The following SNX22 variants were observed in gnomAD, a reference collection of about 807,000 sequenced individuals.
SNX22 encodes the protein sorting nexin-22.
A neutral mutation model predicts 24.7 loss-of-function variants in SNX22; 23 were observed. The observed-to-expected ratio is 0.93, with a 90% CI of 0.67 to 1.32. The LOEUF (loss-of-function observed/expected upper bound fraction) is 1.32, where lower values mean the gene tolerates loss of function less well. Among genes scored for constraint, SNX22 ranks in the 40% most tolerant of loss-of-function variants. SNX22 has a pLI of 0.00. For synonymous variants in SNX22, 99 were observed against 104.0 expected, an observed-to-expected ratio of 0.95 and a Z score of 0.29; for missense variants, 261 against 249.9, an observed-to-expected ratio of 1.04 and a Z score of -0.30.
At chr15:64,152,360 C>G in intron 2 of SNX22, 34 bp downstream of exon 2, 1 of 1,492,428 alleles carries the variant, frequency 6.7e-7, no homozygotes, top group Non-Finnish European at 8.9e-7. Flanking sequence ...CGGCCCCGGC[C>G]CAGCCTCTGT....
Position 64,156,181 on chromosome 15 carries a change from G to A in SNX22, c.*1673G>A, listed in dbSNP as rs1360400083. The stretch of plus-strand genomic sequence containing the variant: ...AAGGTGGAAGCAGGAGGGCATGGTG[G>A]ATCAGGAGGTCCACCGCTCAGGAGA... On this transcript the variant is annotated 3_prime_UTR_variant, in exon 7 of 7. Transcript: ENST00000325881. The surrounding 1 kb of genome is among the most constrained non-coding windows in gnomAD (Gnocchi z 6.4). 5 of 1,613,060 alleles carry A rather than the reference G, an allele frequency of 3.1e-6. No individual in the cohort carries two copies. Among genetic ancestry groups the A allele is most frequent in the Non-Finnish European group, 4.2e-6 (5 of 1,179,658 alleles).
In SNX22 at chr15:64,151,844, C is replaced by A; in HGVS notation, c.69C>A (p.Ser23Arg). The A allele has an allele frequency of 6.5e-7, 1 of 1,536,462 alleles. No homozygotes were observed. Among genetic ancestry groups the A allele is most frequent in the Admixed American group, 2.0e-5 (1 of 50,214 alleles). Reference protein sequence around the residue: ...AEGPRQSPEKSHMVFRVEVLC... With the variant: ...AEGPRQSPEKRHMVFRVEVLC... ...GGCCCAGGCAGAGCCCGGAGAAAAG[C>A]CACATGGTGAGCGCGGCCCCTGGAT... Residue 23 changes from serine (S) to arginine (R), a missense_variant, in exon 1 of 7, where the codon AGC becomes AGA. Physicochemically the swap from Ser to Arg is moderately radical, Grantham distance 110. Coordinates refer to ENST00000325881, the MANE Select transcript of SNX22 (RefSeq NM_024798.3).
Position 64,156,534 on chromosome 15 carries a change from G to A in SNX22, c.*2026G>A. ...TGTGCAGCCTTCCTGGCTGGGCTCT[G>A]AGGGGGCTGGAAGAATTTAGAACCT... On this transcript the variant is annotated 3_prime_UTR_variant, in exon 7 of 7. Coordinates refer to ENST00000325881, the MANE Select transcript of SNX22 (RefSeq NM_024798.3). The surrounding 1 kb of genome is among the most constrained non-coding windows in gnomAD (Gnocchi z 6.4). 1.3e-6 allele frequency: 1 copy of A among 756,532 alleles called. No homozygotes were observed. The highest frequency in any genetic ancestry group is 2.2e-6 in the Non-Finnish European group (1 of 444,996). The allele number at this position is 756,532 out of a possible 1,614,324, so 46.9% of individuals were successfully genotyped here.
chr15:64,154,099 C>T, intron 6 of SNX22, 97 bp downstream of exon 6: 1 of 1,611,906 alleles, frequency 6.2e-7, no homozygotes, highest in Non-Finnish European at 8.5e-7. Context: ...TTCCTGCTGC[C>T]CACCTCTGGA....
chr15:64,153,464 CT>C, intron 4 of SNX22, 125 bp downstream of exon 4: 1 of 1,511,488 alleles, frequency 6.6e-7, no homozygotes, highest in Non-Finnish European at 9.0e-7. Context: ...CACCAGCTCT[CT>C]TGACCTGGGT....
chr15:64,155,995 GTCAC>G lies in SNX22; in HGVS notation c.*1491_*1494del. ...GCGGACTACAGGGCCTGCACAGACG[GTCAC>G]TCAAAGAAAGATGTCCCTGTGCCCT... On this transcript the variant is annotated 3_prime_UTR_variant, in exon 7 of 7. Transcript: ENST00000325881. 6.2e-7 allele frequency: 1 copy of G among 1,614,060 alleles called. No individual in the cohort carries two copies. Among genetic ancestry groups the G allele is most frequent in the Non-Finnish European group, 8.5e-7 (1 of 1,179,980 alleles).
Position 64,156,638 on chromosome 15 carries a change from G to A in SNX22, c.*2130G>A. On this transcript the variant is annotated 3_prime_UTR_variant, in exon 7 of 7. Transcript: ENST00000325881. The surrounding 1 kb of genome is among the most constrained non-coding windows in gnomAD (Gnocchi z 6.4). ...GTGGGTTGGGTCCTTTTGGGAAAGGGATGGACACATGGAGCTCCTGCCCTG... is the reference window on the plus strand; with the variant it reads ...GTGGGTTGGGTCCTTTTGGGAAAGGAATGGACACATGGAGCTCCTGCCCTG... 6.6e-7 allele frequency: 1 copy of A among 1,520,058 alleles called. No homozygotes were observed. The highest frequency in any genetic ancestry group is 9.1e-7 in the Non-Finnish European group (1 of 1,094,872). The allele number at this position is 1,520,058 out of a possible 1,614,324, so 94.2% of individuals were successfully genotyped here. A position where few individuals can be genotyped will look rare whatever the true frequency, so the allele number is the denominator to read the frequency against.
intron 1 of SNX22, 186 bp downstream of exon 1, chr15:64,152,036 C>T (rs1238871915): frequency 2.6e-6 from 2 of 764,144 alleles, no homozygotes; most frequent in African/African-American, 1.9e-5. Context: ...GGTTCGAGCT[C>T]TTGAGGGACC....
intron 1 of SNX22, 193 bp downstream of exon 1, chr15:64,152,043 G>T: frequency 1.3e-6 from 1 of 751,626 alleles, no homozygotes; most frequent in South Asian, 2.1e-5. Flanking sequence ...GCTCTTGAGG[G>T]ACCCCAGGGC....
rs2081523920 is a variant in SNX22 at position 64,155,686 on chromosome 15, C to T, written c.*1178C>T. On this transcript the variant is annotated 3_prime_UTR_variant, in exon 7 of 7. Transcript: ENST00000325881. ...CCTGCCTGACTTTTCCTGGGTAGCTCCTGGGTCAAAATTTCAGGCAGGATC... is the reference window on the plus strand; with the variant it reads ...CCTGCCTGACTTTTCCTGGGTAGCTTCTGGGTCAAAATTTCAGGCAGGATC... The T allele has an allele frequency of 6.0e-6, 2 of 333,292 alleles. No individual in the cohort carries two copies. The highest frequency in any genetic ancestry group is 2.8e-5 in the South Asian group (1 of 35,566). The allele number at this position is 333,292 out of a possible 1,614,324, so 20.6% of individuals were successfully genotyped here.
intron 4 of SNX22, 86 bp downstream of exon 4, chr15:64,153,425 C>T (rs899041543): frequency 1.3e-6 from 2 of 1,586,456 alleles, no homozygotes; most frequent in Non-Finnish European, 1.7e-6. Flanking sequence ...TTTCTTTTCA[C>T]ATCTGCCAGG....
In SNX22 at chr15:64,153,662, G is replaced by T. The variant is rs546547294; in HGVS notation, c.370G>T (p.Glu124Ter). The T allele has an allele frequency of 1.2e-6, 2 of 1,614,064 alleles. No individual in the cohort carries two copies. The highest frequency in any genetic ancestry group is 4.5e-5 in the East Asian group (2 of 44,862). Residue 124 changes from glutamate to a stop codon, truncating the protein, a stop_gained, in exon 5 of 7, where the codon GAG becomes TAG. Transcript: ENST00000325881. LOFTEE classifies it high-confidence loss of function. ...TTCTCTTCTCTTCAGCACCCTGAGGGAGTTCCTGCCTGGCGACAGCAGGCA... is the reference window on the plus strand; with the variant it reads ...TTCTCTTCTCTTCAGCACCCTGAGGTAGTTCCTGCCTGGCGACAGCAGGCA... ...PKASNWGTLR[E>*]FLPGDSSSQQ... is the part of the protein sequence containing the mutation.
Position 64,156,780 on chromosome 15 carries a change from TTGACTGTCGTGA to T in SNX22, c.*2276_*2287del, listed in dbSNP as rs753432576. The T allele has an allele frequency of 1.9e-6, 3 of 1,614,218 alleles. No homozygotes were observed. Among genetic ancestry groups the T allele is most frequent in the Non-Finnish European group, 2.5e-6 (3 of 1,180,040 alleles). On this transcript the variant is annotated 3_prime_UTR_variant, in exon 7 of 7. Transcript: ENST00000325881. This position sits in a 1 kb window ranked among gnomAD's most constrained non-coding sequence, Gnocchi z 6.4. ...ATGCTTGCCATCTAGCCAGGCTGTC[TTGACTGTCGTGA>T]TGAAGAACTGGGAGCCGTTGGTGTC...
chr15:64,152,183 T>A, intron 1 of SNX22, 60 bp from the exon 2 acceptor site: 1 of 1,338,444 alleles, frequency 7.5e-7, no homozygotes, highest in Non-Finnish European at 9.6e-7. Flanking sequence ...CAGGCGCAGG[T>A]GCTGCGGCGT....
At chr15:64,153,433 A>G in intron 4 of SNX22, 94 bp downstream of exon 4, 3 of 1,579,290 alleles carry the variant, frequency 1.9e-6, no homozygotes, top group Non-Finnish European at 2.6e-6. Context: ...CACATCTGCC[A>G]GGATCCAGCA....
rs756976016 is a variant in SNX22 at position 64,153,343 on chromosome 15, AGG to A, written c.359+9_359+10del. Reference sequence around the variant, plus strand: ...ACCCCAAGGCTAGCAACTGGGGGTAAGGGGGGCCGATGGCGGGGGCCAGGGGC... The same window carrying A: ...ACCCCAAGGCTAGCAACTGGGGGTAAGGGGCCGATGGCGGGGGCCAGGGGC... On this transcript the variant is annotated splice_donor_5th_base_variant and intron_variant, in intron 4 of 6. Coordinates refer to ENST00000325881, the MANE Select transcript of SNX22 (RefSeq NM_024798.3). The A allele has an allele frequency of 3.5e-5, 56 of 1,612,916 alleles. No individual in the cohort carries two copies. The highest frequency in any genetic ancestry group is 4.7e-5 in the Non-Finnish European group (56 of 1,179,264).
In SNX22 at chr15:64,154,833, T is replaced by G. The variant is rs1358629019; in HGVS notation, c.*325T>G. ...TGGGTGGATCACCTGAAGTCAGGAGTTCGAGACCAGCCTGACCACCATGGA... is the reference window on the plus strand; with the variant it reads ...TGGGTGGATCACCTGAAGTCAGGAGGTCGAGACCAGCCTGACCACCATGGA... On this transcript the variant is annotated 3_prime_UTR_variant, in exon 7 of 7. Transcript: ENST00000325881. 1.9e-5 allele frequency: 4 copies of G among 208,264 alleles called. No homozygotes were observed. Among genetic ancestry groups the G allele is most frequent in the Non-Finnish European group, 3.9e-5 (4 of 102,266 alleles). 12.9% of individuals were successfully genotyped at this position (208,264 alleles called of 1,614,324 possible). A position where few individuals can be genotyped will look rare whatever the true frequency, so the allele number is the denominator to read the frequency against.
At position 64,153,677 on chromosome 15, in the gene SNX22, G is replaced by T. The variant is rs769082872; in HGVS notation, c.385G>T (p.Asp129Tyr). Residue 129 changes from aspartate to tyrosine, a missense_variant, in exon 5 of 7, where the codon GAC (aspartate) becomes TAC (tyrosine). Coordinates refer to ENST00000325881, the MANE Select transcript of SNX22 (RefSeq NM_024798.3). Reference protein sequence around the residue: ...WGTLREFLPGDSSSQQHQRPV... With the variant: ...WGTLREFLPGYSSSQQHQRPV... ...CACCCTGAGGGAGTTCCTGCCTGGC[G>T]ACAGCAGGCAAGTCAAAGCCCTAGC... is the stretch of plus-strand genomic sequence containing the variant. The T allele has an allele frequency of 2.5e-6, 4 of 1,614,042 alleles. No individual in the cohort carries two copies. The South Asian group carries it at 3.3e-5, about 13-fold the overall frequency.
chr15:64,153,252 T>G lies in SNX22; in HGVS notation c.272T>G (p.Leu91Arg), dbSNP rs776121179. The change falls in exon 4 of 7, where the codon CTG (leucine) becomes CGG (arginine). Residue 91 changes from leucine (L) to arginine (R), a missense_variant. By Grantham distance (102) the Leu-to-Arg change is moderately radical (BLOSUM62 -2). Coordinates refer to ENST00000325881, the MANE Select transcript of SNX22 (RefSeq NM_024798.3). ...CTCCTCTGTCCTCTCCAGGGCATCC[T>G]GTACCTGAACCAGGAGGTGCCCAAG... is the stretch of plus-strand genomic sequence containing the variant. The part of the protein sequence containing the change: ...QGLEAYIQGI[L>R]YLNQEVPKEL... 2.7e-5 allele frequency: 43 copies of G among 1,614,072 alleles called. No individual in the cohort carries two copies. The highest frequency in any genetic ancestry group is 5.0e-5 in the Admixed American group (3 of 60,004).
Sources: allele counts gnomAD v4.1 joint callset, GRCh38; gene constraint gnomAD v4.1.1; non-coding constraint Gnocchi (gnomAD v3.1); transcripts MANE v1.5; gene names NCBI Gene and HGNC (gene_info 2026-07-23, HGNC 2026-07-21).